The following ATP6V0A4 variants were observed in gnomAD, a reference collection of about 807,000 sequenced individuals.
The protein encoded by ATP6V0A4 is ATPase H+ transporting V0 subunit a4.
ATP6V0A4 carries 86 observed loss-of-function variants against 107.3 expected under a neutral mutation model. The observed-to-expected ratio is 0.80, with a 90% CI of 0.67 to 0.96. ATP6V0A4 has a LOEUF of 0.96. Ranked by LOEUF, ATP6V0A4 falls within the 40% of genes least tolerant of loss-of-function variation. The pLI is 0.00. For synonymous variants in ATP6V0A4, 353 were observed against 381.4 expected (o/e 0.93, Z 0.87); for missense variants, 908 against 1,045.6 (o/e 0.87, Z 1.81).
At chr7:138,755,570 TAGCCAGCATTCC>T (rs1806468607) in intron 10 of ATP6V0A4, 107 bp downstream of exon 10, 2 of 1,358,548 alleles carry the variant, frequency 1.5e-6, no homozygotes, top group Non-Finnish European at 2.0e-6. Flanking sequence ...CAGAAAGGCA[TAGCCAGCATTCC>T]AGCCAGCCTC....
Position 138,755,763 on chromosome 7 carries a change from G to T in ATP6V0A4, c.742C>A (p.Pro248Thr). The change falls in exon 10 of 22, where the codon CCT becomes ACT. Residue 248 changes from proline to threonine, a missense_variant. Pro to Thr is a conservative substitution (Grantham distance 38, BLOSUM62 -1). Coordinates refer to ENST00000310018, the MANE Select transcript of ATP6V0A4 (RefSeq NM_020632.3). Reference protein sequence around the residue: ...ICDGFRATVYPCPEPAVERRE... With the variant: ...ICDGFRATVYTCPEPAVERRE... ...CGCTCCACCGCAGGCTCTGGGCAAG[G>T]GTAGACAGTGGCTCGAAACCTGTGT... 2 of 1,613,604 alleles carry T rather than the reference G, an allele frequency of 1.2e-6. No homozygotes were observed. The highest frequency in any genetic ancestry group is 1.7e-6 in the Non-Finnish European group (2 of 1,180,036).
intron 19 of ATP6V0A4, among the ~76,000 whole-genome samples, chr7:138,716,984 G>T (rs1299133654): frequency 6.6e-6 from 1 of 152,206 alleles, no homozygotes; most frequent in Non-Finnish European, 1.5e-5. Flanking sequence ...GCATGCAGTG[G>T]TATCGTGGGA....
chr7:138,783,024 G>A (rs890268650), intron 2 of ATP6V0A4, among the ~76,000 whole-genome samples: 13 of 152,026 alleles, frequency 8.6e-5, no homozygotes, highest in South Asian at 2.1e-4. Context: ...GCAGTGAGCC[G>A]AGATTGCACC....
chr7:138,796,579 A>G (rs1808674641), intron 1 of ATP6V0A4, among the ~76,000 whole-genome samples: 1 of 151,570 alleles, frequency 6.6e-6, no homozygotes. Context: ...TATAGGTGCT[A>G]TTCCTTTGAC....
chr7:138,729,721 C>T (rs949490278), intron 17 of ATP6V0A4, among the ~76,000 whole-genome samples: 2 of 152,192 alleles, frequency 1.3e-5, no homozygotes, highest in Non-Finnish European at 2.9e-5. Context: ...ATTGAGAGCA[C>T]GGTGCTGGAA....
intron 21 of ATP6V0A4, 28 bp downstream of exon 21, chr7:138,709,596 T>G: frequency 6.2e-7 from 1 of 1,607,058 alleles, no homozygotes; most frequent in Non-Finnish European, 8.5e-7. Flanking sequence ...AACACCACAT[T>G]GAGCTTCCAG....
chr7:138,714,555 T>C (rs1431211463), intron 20 of ATP6V0A4, among the ~76,000 whole-genome samples: 1 of 141,280 alleles, frequency 7.1e-6, no homozygotes, highest in Non-Finnish European at 1.6e-5. Context: ...GATAGATAGA[T>C]AGATAGACAG....
At chr7:138,710,177 C>T (rs1035008247) in intron 20 of ATP6V0A4, among the ~76,000 whole-genome samples, 8 of 149,792 alleles carry the variant, frequency 5.3e-5, no homozygotes, top group Admixed American at 2.1e-4. Flanking sequence ...AGAAGTGTGC[C>T]GCCACTGTCT....
intron 7 of ATP6V0A4, 24 bp from the exon 8 acceptor site, chr7:138,759,902 T>C (rs373300631): frequency 1.5e-5 from 24 of 1,613,854 alleles, no homozygotes; most frequent in Non-Finnish European, 1.9e-5. Context: ...AGGGAAGACA[T>C]TCCTTAAGGC....
intron 20 of ATP6V0A4, among the ~76,000 whole-genome samples, chr7:138,714,417 G>A (rs139716863): frequency 6.6e-6 from 1 of 151,976 alleles, no homozygotes; most frequent in Non-Finnish European, 1.5e-5. Context: ...CAGGGGCTCG[G>A]ATCTTTATCA....
chr7:138,723,111 G>T (rs1389659615), intron 18 of ATP6V0A4, among the ~76,000 whole-genome samples: 7 of 151,736 alleles, frequency 4.6e-5, no homozygotes, highest in African/African-American at 1.7e-4. Context: ...TGGCAAGGCT[G>T]GTAAGTGGCA....
At position 138,762,965 on chromosome 7, in the gene ATP6V0A4, T is replaced by G. The variant is rs140207554; in HGVS notation, c.352A>C (p.Lys118Gln). ...TCTGTCAGTTCTAGGAAGCTTTGTT[T>G]CAAGGCCTGCTGGTTCTGGTTGGCT... ...QEANQNQQALKQSFLELTELK... is the reference protein window; with the variant it reads ...QEANQNQQALQQSFLELTELK... The change falls in exon 6 of 22, where the codon AAA becomes CAA. Residue 118 changes from lysine to glutamine, a missense_variant. Coordinates refer to ENST00000310018, the MANE Select transcript of ATP6V0A4 (RefSeq NM_020632.3). 35 of 1,614,080 alleles carry G rather than the reference T, an allele frequency of 2.2e-5. No individual in the cohort carries two copies. Among genetic ancestry groups the G allele is most frequent in the Non-Finnish European group, 2.9e-5 (34 of 1,180,042 alleles).
intron 2 of ATP6V0A4, among the ~76,000 whole-genome samples, chr7:138,784,236 G>A (rs13236932): frequency 0.14 from 2,322 of 16,576 alleles, 161 homozygotes; most frequent in African/African-American, 0.33. Context: ...ATATATATAC[G>A]TATATATATA....
chr7:138,791,379 T>A (rs918914902), intron 1 of ATP6V0A4, among the ~76,000 whole-genome samples: 7 of 152,136 alleles, frequency 4.6e-5, no homozygotes, highest in African/African-American at 1.7e-4. Flanking sequence ...CTATGTGTAA[T>A]CAGTCACAAA....
At chr7:138,744,608 A>G (rs1313810894) in intron 14 of ATP6V0A4, among the ~76,000 whole-genome samples, 1 of 152,222 alleles carries the variant, frequency 6.6e-6, no homozygotes, top group Non-Finnish European at 1.5e-5. Context: ...ATTGTAGCTC[A>G]TGCAGCTTTG....
chr7:138,709,344 C>T (rs1320627443), intron 21 of ATP6V0A4, among the ~76,000 whole-genome samples: 1 of 150,522 alleles, frequency 6.6e-6, no homozygotes, highest in Non-Finnish European at 1.5e-5. Flanking sequence ...AACAAATGAA[C>T]ACTGATCATC....
chr7:138,777,797 T>C (rs1807737843), intron 2 of ATP6V0A4, among the ~76,000 whole-genome samples: 1 of 152,146 alleles, frequency 6.6e-6, no homozygotes, highest in East Asian at 1.9e-4. Flanking sequence ...GGACAGAAGA[T>C]AGACCCTCTG....
At position 138,706,563 on chromosome 7, in the gene ATP6V0A4, A is replaced by G; in HGVS notation, c.*61T>C. ...GAGCGCCTTGCAGGGGCTGATATCA[A>G]AGACAAGACTGAACTTCCTTCATTG... On this transcript the variant is annotated 3_prime_UTR_variant, in exon 22 of 22. Transcript: ENST00000310018. The G allele has an allele frequency of 3.1e-6, 5 of 1,594,492 alleles. No individual in the cohort carries two copies. In the South Asian group the frequency reaches 4.4e-5, roughly 14 times the overall value.
intron 5 of ATP6V0A4, 58 bp from the exon 6 acceptor site, chr7:138,763,083 T>C (rs1374279353): frequency 6.2e-7 from 1 of 1,602,988 alleles, no homozygotes; most frequent in Non-Finnish European, 8.5e-7. Flanking sequence ...ATTCCTGAAA[T>C]ACATTACCCA....
Sources: gnomAD v4.1 joint callset for allele counts (sites outside exome capture counted in the v4.1 genomes callset) on GRCh38, gnomAD v4.1.1 for gene constraint, MANE v1.5 for transcripts, NCBI Gene and HGNC (gene_info 2026-07-23, HGNC 2026-07-21) for gene names.